BBS9: variants seen among roughly 807,000 people sequenced by gnomAD.
BBS9 encodes Bardet-Biedl syndrome 9, also known as protein PTHB1.
In BBS9, 89 loss-of-function variants were observed where a neutral mutation model predicts 117.7. That is an observed-to-expected ratio of 0.76 (90% CI 0.64 to 0.90). BBS9 has a LOEUF of 0.90. Among genes scored for constraint, BBS9 ranks in the 40% least tolerant of loss-of-function variants. The probability of loss-of-function intolerance (pLI) is 0.00; values close to 1 mark genes in which losing one functional copy is unlikely to be tolerated. For missense variants in BBS9, 982 were observed against 1,042.2 expected, an observed-to-expected ratio of 0.94 and a Z score of 0.80; for synonymous variants, 379 against 370.9, an observed-to-expected ratio of 1.02 and a Z score of -0.25.
At chr7:33,249,631 T>G (rs1257183507) in intron 5 of BBS9, among the ~76,000 whole-genome samples, 1 of 152,206 alleles carries the variant, frequency 6.6e-6, no homozygotes, top group African/African-American at 2.4e-5. Flanking sequence ...ACAGTTGTTT[T>G]TCTCTTATTG....
intron 5 of BBS9, among the ~76,000 whole-genome samples, chr7:33,214,714 A>G (rs1243783293): frequency 2.0e-5 from 3 of 152,230 alleles, no homozygotes; most frequent in African/African-American, 7.2e-5. Context: ...CACACACAAA[A>G]CAGAAAGATA....
Position 33,129,890 on chromosome 7 carries a change from G to C in BBS9, c.-163G>C, listed in dbSNP as rs886062281. 1 of 152,464 alleles carries C rather than the reference G, an allele frequency of 6.6e-6. No homozygotes were observed. The highest frequency in any genetic ancestry group is 1.5e-5 in the Non-Finnish European group (1 of 68,352). The allele number at this position is 152,464 out of a possible 1,614,324, so 9.4% of individuals were successfully genotyped here. On this transcript the variant is annotated 5_prime_UTR_variant, in exon 1 of 23. Transcript: ENST00000242067. Reference sequence around the variant, plus strand: ...CAACTTTCAGCTGGAGGACGAGAGGGAATAGTGAAGCTAAAGGTTGCTTTT... The same window carrying C: ...CAACTTTCAGCTGGAGGACGAGAGGCAATAGTGAAGCTAAAGGTTGCTTTT...
chr7:33,320,156 T>G (rs1401960531), intron 9 of BBS9, among the ~76,000 whole-genome samples: 1 of 152,130 alleles, frequency 6.6e-6, no homozygotes. Flanking sequence ...ATTGTTGACT[T>G]TAGTCACCCT....
At chr7:33,189,130 C>T (rs1284718789) in intron 5 of BBS9, among the ~76,000 whole-genome samples, 2 of 152,152 alleles carry the variant, frequency 1.3e-5, no homozygotes, top group African/African-American at 4.8e-5. Context: ...AAGCAGTCCT[C>T]CTGCCTCAGC....
At position 33,586,578 on chromosome 7, in the gene BBS9, A is replaced by C. The variant is rs112350606; in HGVS notation, c.2522-18287A>C. On this transcript the variant is annotated intron_variant, in intron 21 of 22. Coordinates refer to ENST00000242067, the MANE Select transcript of BBS9 (RefSeq NM_198428.3). Reference sequence around the variant, plus strand: ...CCAAAGAAAAATAAATCATTTTCCCAAAGACACATGTACTTGTATGTTCAT... The same window carrying C: ...CCAAAGAAAAATAAATCATTTTCCCCAAGACACATGTACTTGTATGTTCAT... Among the ~76,000 whole-genome samples the C allele has an allele frequency of 2.2e-3, 333 of 152,244 alleles. 2 individuals are homozygous for C. The highest frequency in any genetic ancestry group is 0.01 in the Middle Eastern group (3 of 294).
At chr7:33,132,123 C>T (rs1483147851) in intron 1 of BBS9, among the ~76,000 whole-genome samples, 1 of 152,098 alleles carries the variant, frequency 6.6e-6, no homozygotes. Context: ...ACATACTTGC[C>T]TGTAGTTTGA....
chr7:33,407,637 T>C (rs916540252), intron 19 of BBS9, among the ~76,000 whole-genome samples: 9 of 152,198 alleles, frequency 5.9e-5, no homozygotes, highest in Non-Finnish European at 4.4e-5. Flanking sequence ...TCTGTTTGTT[T>C]GTTTTCCTTC....
rs1242742568 is a variant in BBS9, at chr7:33,436,407, C to T, written c.2115+48263C>T. The stretch of plus-strand genomic sequence containing the variant: ...TGTAATAGCCCCTTGATCACTGCCC[C>T]AACTTTGAATCATCTGTCTTCTAAC... On this transcript the variant is annotated intron_variant, in intron 19 of 22. Coordinates refer to ENST00000242067, the MANE Select transcript of BBS9 (RefSeq NM_198428.3). Among the ~76,000 whole-genome samples, 13 of 152,136 alleles carry T rather than the reference C, an allele frequency of 8.5e-5. 1 individual carries two copies. The highest frequency in any genetic ancestry group is 8.5e-4 in the Admixed American group (13 of 15,276).
intron 21 of BBS9, among the ~76,000 whole-genome samples, chr7:33,593,573 G>C (rs1439113330): frequency 6.6e-6 from 1 of 152,136 alleles, no homozygotes; most frequent in Admixed American, 6.6e-5. Flanking sequence ...CTGAGTTCCT[G>C]AGCAGTAATT....
Position 33,534,098 on chromosome 7 carries a change from C to T in BBS9, c.2443C>T (p.Leu815Phe). The T allele has an allele frequency of 6.2e-7, 1 of 1,614,214 alleles. No individual in the cohort carries two copies. Among genetic ancestry groups the T allele is most frequent in the Non-Finnish European group, 8.5e-7 (1 of 1,180,040 alleles). The change falls in exon 21 of 23, where the codon CTC becomes TTC. Residue 815 changes from leucine (L) to phenylalanine (F), a missense_variant. Leu to Phe is a conservative substitution (Grantham distance 22). Coordinates refer to ENST00000242067, the MANE Select transcript of BBS9 (RefSeq NM_198428.3). ...TSQLKKHITL[L>F]CDRLSKGGRL... ...CCAACTGAAGAAACATATCACCTTG[C>T]TCTGCGATAGATTATCCAAAGGTGG... is the stretch of plus-strand genomic sequence containing the variant.
chr7:33,277,999 T>C (rs1257184386), intron 9 of BBS9, among the ~76,000 whole-genome samples: 1 of 152,176 alleles, frequency 6.6e-6, no homozygotes, highest in Non-Finnish European at 1.5e-5. Flanking sequence ...AGTTGAGTTT[T>C]GGGGAAGGGC....
chr7:33,250,340 A>C (rs1034583837), intron 5 of BBS9, among the ~76,000 whole-genome samples: 4 of 152,210 alleles, frequency 2.6e-5, no homozygotes, highest in African/African-American at 7.2e-5. Flanking sequence ...TGTAGTAGTT[A>C]ATATTGCTGT....
At chr7:33,415,569 T>C (rs925236270) in intron 19 of BBS9, among the ~76,000 whole-genome samples, 4 of 152,184 alleles carry the variant, frequency 2.6e-5, no homozygotes, top group African/African-American at 9.7e-5. Context: ...CTGGCAAATA[T>C]GTTTTTTAAT....
rs1251539456 is a variant in BBS9, at chr7:33,533,952, A to C, written c.2299-2A>C. 1 of 1,614,114 alleles carries C rather than the reference A, an allele frequency of 6.2e-7. No homozygotes were observed. Among genetic ancestry groups the C allele is most frequent in the Non-Finnish European group, 8.5e-7 (1 of 1,180,044 alleles). On this transcript the variant is annotated splice_acceptor_variant, in intron 20 of 22. Transcript: ENST00000242067. LOFTEE classifies it high-confidence loss of function. ...TAATTCAAAATTGGCTTTTGTATCC[A>C]GGGCTGGGAAGAAACGGTGGATGCC...
intron 5 of BBS9, among the ~76,000 whole-genome samples, chr7:33,203,801 C>A (rs1208334854): frequency 6.6e-6 from 1 of 151,492 alleles, no homozygotes; most frequent in Non-Finnish European, 1.5e-5. Flanking sequence ...TGGCTCACTG[C>A]AACCTCCGCC....
At chr7:33,483,329 A>G (rs1842721597) in intron 19 of BBS9, among the ~76,000 whole-genome samples, 1 of 152,114 alleles carries the variant, frequency 6.6e-6, no homozygotes, top group African/African-American at 2.4e-5. Flanking sequence ...TTCATAAGTA[A>G]ATTTTCCGGA....
At chr7:33,198,679 CT>C (rs1785325685) in intron 5 of BBS9, among the ~76,000 whole-genome samples, 1 of 151,826 alleles carries the variant, frequency 6.6e-6, no homozygotes, top group African/African-American at 2.4e-5. Flanking sequence ...ATAAGGAGGA[CT>C]TTTTTTCAAT....
At chr7:33,620,783 C>T (rs977723320) in intron 21 of BBS9, among the ~76,000 whole-genome samples, 4 of 152,124 alleles carry the variant, frequency 2.6e-5, no homozygotes, top group African/African-American at 9.7e-5. Context: ...ATAGCCAAAG[C>T]AGTCCTGAGC....
At chr7:33,396,366 T>C (rs546074008) in intron 19 of BBS9, among the ~76,000 whole-genome samples, 10 of 152,282 alleles carry the variant, frequency 6.6e-5, no homozygotes, top group South Asian at 6.2e-4. Flanking sequence ...ATATAAAACA[T>C]TTTATATAAC....
Sources: gnomAD v4.1 joint callset for allele counts (sites outside exome capture counted in the v4.1 genomes callset) on GRCh38, gnomAD v4.1.1 for gene constraint, MANE v1.5 for transcripts, NCBI Gene and HGNC (gene_info 2026-07-23, HGNC 2026-07-21) for gene names.